Variants in TDRD6 observed in about 807,000 individuals in gnomAD.
TDRD6 encodes the protein tudor domain containing 6.
Under a neutral mutation model 157.5 loss-of-function variants are expected in TDRD6, and 186 were observed. That is an observed-to-expected ratio of 1.18 (90% confidence interval 1.05 to 1.33). The LOEUF (loss-of-function observed/expected upper bound fraction) is 1.33. TDRD6 is among the 40% of genes most tolerant of loss of function. The probability of loss-of-function intolerance (pLI) is 0.00; values close to 1 mark genes in which losing one functional copy is unlikely to be tolerated. For synonymous variants in TDRD6, 1,075 were observed against 945.2 expected, an observed-to-expected ratio of 1.14 and a Z score of -2.52; for missense variants, 3,066 against 2,508.0, an observed-to-expected ratio of 1.22 and a Z score of -4.75.
In TDRD6 at chr6:46,704,271, G is replaced by A. The variant is rs905222048; in HGVS notation, c.*2384G>A. ...TAATGTAAAAACAGTTTTTAACTTCGACACTGAAAAGGAATCATCTTTAAA... is the reference window on the plus strand; with the variant it reads ...TAATGTAAAAACAGTTTTTAACTTCAACACTGAAAAGGAATCATCTTTAAA... On this transcript the variant is annotated 3_prime_UTR_variant, in exon 4 of 4. Coordinates refer to ENST00000316081, the MANE Select transcript of TDRD6 (RefSeq NM_001010870.3). 1 of 302,604 alleles carries A rather than the reference G, an allele frequency of 3.3e-6. No homozygotes were observed. Among genetic ancestry groups the A allele is most frequent in the Non-Finnish European group, 6.3e-6 (1 of 159,348 alleles). The allele number at this position is 302,604 out of a possible 1,614,324, so 18.7% of individuals were successfully genotyped here.
chr6:46,695,677 T>A, intron 1 of TDRD6, 144 bp from the exon 2 acceptor site: 1 of 747,746 alleles, frequency 1.3e-6, no homozygotes, highest in South Asian at 2.9e-5. Context: ...TAAACAAAAT[T>A]GAGGGAGACA....
rs1764383600 is a variant in TDRD6 at position 46,692,977 on chromosome 6, C to T, written c.4849C>T (p.Leu1617Phe). 4 of 1,612,660 alleles carry T rather than the reference C, an allele frequency of 2.5e-6. No individual in the cohort carries two copies. The South Asian group carries it at 3.3e-5, about 13-fold the overall frequency. ...NIEDCVDPKA[L>F]WAIPSELLSV... ...TGAAGACTGTGTGGACCCAAAAGCACTCTGGGCCATTCCTTCTGAACTTCT... is the reference window on the plus strand; with the variant it reads ...TGAAGACTGTGTGGACCCAAAAGCATTCTGGGCCATTCCTTCTGAACTTCT... The change falls in exon 1 of 4, where the codon CTC (leucine) becomes TTC (phenylalanine). Residue 1617 changes from leucine (L) to phenylalanine (F), a missense_variant. Transcript: ENST00000316081.
rs1440627167 is a variant in TDRD6, at chr6:46,693,100, A to G, written c.4972A>G (p.Ile1658Val). 2 of 1,613,744 alleles carry G rather than the reference A, an allele frequency of 1.2e-6. No individual in the cohort carries two copies. The highest frequency in any genetic ancestry group is 2.2e-5 in the East Asian group (1 of 44,874). Reference protein sequence around the residue: ...QEGNDYFYEIITEDVLEITIL... With the variant: ...QEGNDYFYEIVTEDVLEITIL... ...GGGAAATGACTATTTCTATGAAATA[A>G]TAACAGAAGATGTGTTGGAAATAAC... Residue 1658 changes from isoleucine to valine, a missense_variant, in exon 1 of 4, where the codon ATA becomes GTA. Physicochemically the swap from Ile to Val is conservative, Grantham distance 29. Transcript: ENST00000316081.
At position 46,688,405 on chromosome 6, in the gene TDRD6, G is replaced by T; in HGVS notation, c.277G>T (p.Glu93Ter). ...CCGCGTGGTCAGCCGGCAGGCACAG[G>T]AGAGCCGTGTCTTCCTGCTGGACGA... Reference protein sequence around the residue: ...RCRVVSRQAQESRVFLLDEGR... With the variant: ...RCRVVSRQAQ Residue 93 changes from glutamate (E) to a stop codon, truncating the protein, a stop_gained, in exon 1 of 4, where the codon GAG becomes TAG. Coordinates refer to ENST00000316081, the MANE Select transcript of TDRD6 (RefSeq NM_001010870.3). LOFTEE classifies it high-confidence loss of function. 6.5e-7 allele frequency: 1 copy of T among 1,538,714 alleles called. No individual in the cohort carries two copies.
At chr6:46,684,771 G>A (rs1320718866), upstream of TDRD6, among the ~76,000 whole-genome samples, 1 of 151,928 alleles carries the variant, frequency 6.6e-6, no homozygotes, top group African/African-American at 2.4e-5. Context: ...AGGGCATTTA[G>A]GTTGTTTCCA....
chr6:46,688,267 A>T lies in TDRD6; in HGVS notation c.139A>T (p.Ser47Cys), dbSNP rs1393776334. The T allele has an allele frequency of 1.3e-6, 2 of 1,506,134 alleles. No homozygotes were observed. Among genetic ancestry groups the T allele is most frequent in the Non-Finnish European group, 1.8e-6 (2 of 1,135,416 alleles). The allele number at this position is 1,506,134 out of a possible 1,614,324, so 93.3% of individuals were successfully genotyped here. A position where few individuals can be genotyped will look rare whatever the true frequency, so the allele number is the denominator to read the frequency against. Residue 47 changes from serine to cysteine, a missense_variant, in exon 1 of 4, where the codon AGC becomes TGC. Physicochemically the swap from Ser to Cys is moderately radical, Grantham distance 112. Transcript: ENST00000316081. ...GCGGCGGGGCGAGTACCTGCGGCTGAGCCGGGAAATCCAGGAAGCGGCGGC... is the reference window on the plus strand; with the variant it reads ...GCGGCGGGGCGAGTACCTGCGGCTGTGCCGGGAAATCCAGGAAGCGGCGGC... ...GERRGEYLRL[S>C]REIQEAAATR... is the part of the protein sequence containing the mutation.
At position 46,692,387 on chromosome 6, in the gene TDRD6, T is replaced by G; in HGVS notation, c.4259T>G (p.Leu1420Trp). 6.2e-7 allele frequency: 1 copy of G among 1,614,188 alleles called. No homozygotes were observed. Among genetic ancestry groups the G allele is most frequent in the Middle Eastern group, 1.6e-4 (1 of 6,062 alleles). The change falls in exon 1 of 4, where the codon TTG becomes TGG. Residue 1420 changes from leucine (L) to tryptophan (W), a missense_variant. By Grantham distance (61) the Leu-to-Trp change is moderately conservative (BLOSUM62 -2). Transcript: ENST00000316081. ...CCGGGGTTGTGCATTCATTGCTCCT[T>G]GCAGGGATTTGAGGTTCCTGACAAT... ...ILPGLCIHCSLQGFEVPDNKN... is the reference protein window; with the variant it reads ...ILPGLCIHCSWQGFEVPDNKN...
Position 46,691,538 on chromosome 6 carries a change from TGA to T in TDRD6, c.3411_3412del (p.Ile1138TyrfsTer6). 1 of 1,613,930 alleles carries T rather than the reference TGA, an allele frequency of 6.2e-7. No individual in the cohort carries two copies. The highest frequency in any genetic ancestry group is 8.5e-7 in the Non-Finnish European group (1 of 1,179,852). On this transcript the variant is annotated frameshift_variant, in exon 1 of 4. Coordinates refer to ENST00000316081, the MANE Select transcript of TDRD6 (RefSeq NM_001010870.3). LOFTEE classifies it high-confidence loss of function. Reference sequence around the variant, plus strand: ...GTAGCAAAAGATCCAGATGGAACACTGATTATAGAACTATATGGTGACAATAT... The same window carrying T: ...GTAGCAAAAGATCCAGATGGAACACTTTATAGAACTATATGGTGACAATAT...
At chr6:46,697,973 T>TA (rs35204817) in intron 2 of TDRD6, 25 bp from the exon 3 acceptor site, 2 of 1,492,916 alleles carry the variant, frequency 1.3e-6, no homozygotes, top group Non-Finnish European at 9.2e-7. Context: ...TTGGACACTT[T>TA]AAAAAAATTT....
At chr6:46,684,545 A>C (rs192368122), upstream of TDRD6, among the ~76,000 whole-genome samples, 2 of 152,220 alleles carry the variant, frequency 1.3e-5, no homozygotes, top group Admixed American at 6.5e-5. Flanking sequence ...GGAAGCCACT[A>C]ATCTTTTCTC....
chr6:46,696,750 T>C (rs1764514146), intron 2 of TDRD6, among the ~76,000 whole-genome samples: 1 of 149,078 alleles, frequency 6.7e-6, no homozygotes, highest in Non-Finnish European at 1.5e-5. Context: ...TAGCTGGGAC[T>C]ACAGGCGCCC....
At position 46,694,106 on chromosome 6, in the gene TDRD6, C is replaced by G. The variant is rs1764430312; in HGVS notation, c.5978C>G (p.Pro1993Arg). The part of the protein sequence containing the change: ...KNRDAISALM[P>R]LFSEEESSDG... ...AGGGATGCCATTTCGGCATTGATGC[C>G]TTTGTTCTCTGAGGAAGAAAGCAGT... Residue 1993 changes from proline to arginine, a missense_variant, in exon 1 of 4, where the codon CCT becomes CGT. Coordinates refer to ENST00000316081, the MANE Select transcript of TDRD6 (RefSeq NM_001010870.3). The G allele has an allele frequency of 6.2e-7, 1 of 1,606,344 alleles. No homozygotes were observed. The highest frequency in any genetic ancestry group is 1.3e-5 in the African/African-American group (1 of 74,786).
In TDRD6 at chr6:46,691,617, T is replaced by G; in HGVS notation, c.3489T>G (p.Asp1163Glu). ...NKKLGLLSYKDRIRKKESEVL... is the reference protein window; with the variant it reads ...NKKLGLLSYKERIRKKESEVL... ...AGTTGGGGCTACTTAGTTACAAAGATAGAATAAGAAAAAAAGAAAGTGAAG... is the reference window on the plus strand; with the variant it reads ...AGTTGGGGCTACTTAGTTACAAAGAGAGAATAAGAAAAAAAGAAAGTGAAG... Residue 1163 changes from aspartate to glutamate, a missense_variant, in exon 1 of 4, where the codon GAT (aspartate) becomes GAG (glutamate). By Grantham distance (45) the Asp-to-Glu change is conservative. Transcript: ENST00000316081. 1.9e-6 allele frequency: 3 copies of G among 1,612,994 alleles called. No homozygotes were observed. The highest frequency in any genetic ancestry group is 2.5e-6 in the Non-Finnish European group (3 of 1,179,540).
upstream of TDRD6, among the ~76,000 whole-genome samples, chr6:46,685,587 T>C (rs1337620380): frequency 2.0e-5 from 3 of 151,984 alleles, no homozygotes; most frequent in Non-Finnish European, 2.9e-5. Context: ...ATATCCTCTC[T>C]CCCAAACTTC....
upstream of TDRD6, among the ~76,000 whole-genome samples, chr6:46,685,028 T>C (rs1023843806): frequency 6.6e-6 from 1 of 151,836 alleles, no homozygotes; most frequent in Non-Finnish European, 1.5e-5. Context: ...TTTTTTTTTT[T>C]TGTCTAATAG....
chr6:46,695,255 T>C lies in TDRD6; in HGVS notation c.6047-566T>C, dbSNP rs1764460314. ...TTTTACTGTCTTTGTGTATGTCTAC[T>C]ATATAGTTTTAAAAACAATTTAGAT... On this transcript the variant is annotated intron_variant, in intron 1 of 3. Coordinates refer to ENST00000316081, the MANE Select transcript of TDRD6 (RefSeq NM_001010870.3). Among the ~76,000 whole-genome samples, 4 of 152,192 alleles carry C rather than the reference T, an allele frequency of 2.6e-5. No individual in the cohort carries two copies. The South Asian group carries it at 8.3e-4, about 31-fold the overall frequency.
upstream of TDRD6, among the ~76,000 whole-genome samples, chr6:46,684,381 G>GTGTGT (rs1343348582): frequency 3.3e-5 from 5 of 151,806 alleles, no homozygotes; most frequent in African/African-American, 1.2e-4. Context: ...GTGTGTGTGT[G>GTGTGT]TGTGTGTGTG....
chr6:46,690,477 C>A lies in TDRD6; in HGVS notation c.2349C>A (p.Asn783Lys). The A allele has an allele frequency of 6.2e-7, 1 of 1,614,082 alleles. No homozygotes were observed. Among genetic ancestry groups the A allele is most frequent in the East Asian group, 2.2e-5 (1 of 44,882 alleles). ...AAGTCAGAGTGTCTTATGTTGAAAA[C>A]CCTGGCTATTTCTGGTGTCAGCTGA... ...TVEVRVSYVE[N>K]PGYFWCQLTR... is the part of the protein sequence containing the mutation. Residue 783 changes from asparagine (N) to lysine (K), a missense_variant, in exon 1 of 4, where the codon AAC becomes AAA. Coordinates refer to ENST00000316081, the MANE Select transcript of TDRD6 (RefSeq NM_001010870.3).
In TDRD6 at chr6:46,689,600, C is replaced by A. The variant is rs144889394; in HGVS notation, c.1472C>A (p.Ala491Glu). 5 of 1,614,108 alleles carry A rather than the reference C, an allele frequency of 3.1e-6. No individual in the cohort carries two copies. Among genetic ancestry groups the A allele is most frequent in the South Asian group, 1.1e-5 (1 of 91,078 alleles). ...TTAAAGATGAATGCCTTCTACGATG[C>A]GCAGGTAGAGTTTGTTAAAAATCCT... ...IRLKMNAFYD[A>E]QVEFVKNPSE... Residue 491 changes from alanine (A) to glutamate (E), a missense_variant, in exon 1 of 4, where the codon GCG becomes GAG. Physicochemically the swap from Ala to Glu is moderately radical, Grantham distance 107. Transcript: ENST00000316081.
Sources: gnomAD v4.1 joint callset for allele counts (sites outside exome capture counted in the v4.1 genomes callset) on GRCh38, gnomAD v4.1.1 for gene constraint, MANE v1.5 for transcripts, NCBI Gene and HGNC (gene_info 2026-07-23, HGNC 2026-07-21) for gene names.